CNTNAP5: variants seen among roughly 807,000 people sequenced by gnomAD.
CNTNAP5 encodes the protein contactin associated protein family member 5.
In CNTNAP5, 72 loss-of-function variants were observed where a neutral mutation model predicts 150.2. The ratio of observed to expected loss-of-function variants is 0.48; its 90% CI spans 0.40 to 0.58. The LOEUF (loss-of-function observed/expected upper bound fraction) is 0.58. CNTNAP5 is among the 20% of genes least tolerant of loss of function. CNTNAP5 has a pLI of 0.00. For synonymous variants in CNTNAP5, 672 were observed against 619.8 expected, an observed-to-expected ratio of 1.08 and a Z score of -1.25; for missense variants, 1,636 against 1,626.2, an observed-to-expected ratio of 1.01 and a Z score of -0.10.
chr2:124,909,136 T>TA (rs1422408993), intron 22 of CNTNAP5, among the ~76,000 whole-genome samples: 1 of 152,160 alleles, frequency 6.6e-6, no homozygotes. Context: ...CTTCACCACT[T>TA]ACTCACTGAC....
Position 124,609,851 on chromosome 2 carries a change from G to A in CNTNAP5, c.1807G>A (p.Gly603Ser), listed in dbSNP as rs775751123. 9.3e-6 allele frequency: 15 copies of A among 1,613,938 alleles called. No individual in the cohort carries two copies. The highest frequency in any genetic ancestry group is 1.1e-5 in the Non-Finnish European group (13 of 1,179,864). Residue 603 changes from glycine (G) to serine (S), a missense_variant, in exon 12 of 24, where the codon GGC becomes AGC. Coordinates refer to ENST00000682447, the MANE Select transcript of CNTNAP5 (RefSeq NM_001367498.1). ...EVYRHQGNTA[G>S]FFYIDSDGSG... ...GTACAGGCACCAGGGGAATACAGCC[G>A]GCTTCTTCTACATCGACTCAGATGG...
In CNTNAP5 at chr2:124,861,645, G is replaced by GGAA. The variant is rs138124999; in HGVS notation, c.3218-3644_3218-3642dup. ...TGATGATGATTTTGCCTGAATACGG[G>GGAA]GAAGAAGAAGAAGAAGAAGCAGCTA... is the stretch of plus-strand genomic sequence containing the variant. On this transcript the variant is annotated intron_variant, in intron 19 of 23. Coordinates refer to ENST00000682447, the MANE Select transcript of CNTNAP5 (RefSeq NM_001367498.1). Among the ~76,000 whole-genome samples, 77 of 151,554 alleles carry GGAA rather than the reference G, an allele frequency of 5.1e-4. 1 individual carries two copies. The East Asian group carries it at 0.012, about 23-fold the overall frequency.
intron 1 of CNTNAP5, among the ~76,000 whole-genome samples, chr2:124,154,240 G>A (rs943622241): frequency 6.6e-6 from 1 of 152,142 alleles, no homozygotes; most frequent in African/African-American, 2.4e-5. Context: ...AATGAGCCTG[G>A]TTATTCTATG....
At chr2:124,710,054 T>A (rs2105102297) in intron 13 of CNTNAP5, among the ~76,000 whole-genome samples, 1 of 152,234 alleles carries the variant, frequency 6.6e-6, no homozygotes, top group Admixed American at 6.5e-5. Context: ...CCATCTGTAG[T>A]GACTGAGTAG....
At chr2:124,612,778 C>T (rs936688396) in intron 12 of CNTNAP5, among the ~76,000 whole-genome samples, 1 of 152,258 alleles carries the variant, frequency 6.6e-6, no homozygotes, top group East Asian at 1.9e-4. Context: ...GCAGACCAGG[C>T]ATAGTGATTC....
intron 13 of CNTNAP5, among the ~76,000 whole-genome samples, chr2:124,711,337 G>T (rs1573564924): frequency 6.6e-6 from 1 of 151,946 alleles, no homozygotes; most frequent in South Asian, 2.1e-4. Context: ...TCATCAGAGG[G>T]AATGGCACCC....
At chr2:124,773,342 C>A (rs1032778519) in intron 17 of CNTNAP5, among the ~76,000 whole-genome samples, 1 of 152,142 alleles carries the variant, frequency 6.6e-6, no homozygotes, top group Non-Finnish European at 1.5e-5. Flanking sequence ...CAGGACATGT[C>A]AACTCTTTAC....
At position 124,600,755 on chromosome 2, in the gene CNTNAP5, GAGAGAGAGAGAGAA is replaced by G. The variant is rs746442387; in HGVS notation, c.1757-9036_1757-9023del. Among the ~76,000 whole-genome samples, 261 of 135,926 alleles carry G rather than the reference GAGAGAGAGAGAGAA, an allele frequency of 1.9e-3. 2 individuals carry two copies. Among genetic ancestry groups the G allele is most frequent in the South Asian group, 0.013 (50 of 3,802 alleles). 89.2% of individuals were successfully genotyped at this position (135,926 alleles called of 152,430 possible). On this transcript the variant is annotated intron_variant, in intron 11 of 23. Coordinates refer to ENST00000682447, the MANE Select transcript of CNTNAP5 (RefSeq NM_001367498.1). ...TCAGAGAGAGAGAGAGAGAGAGAGA[GAGAGAGAGAGAGAA>G]AGAGAGAGAAAGAGAGAAGCAAAAA...
At chr2:124,135,785 G>A (rs558343519) in intron 1 of CNTNAP5, among the ~76,000 whole-genome samples, 1 of 152,246 alleles carries the variant, frequency 6.6e-6, no homozygotes, top group South Asian at 2.1e-4. Context: ...TTTGTGTTTT[G>A]TGTGTGTGTA....
At chr2:124,849,018 T>C (rs1156572540) in intron 19 of CNTNAP5, among the ~76,000 whole-genome samples, 1 of 152,184 alleles carries the variant, frequency 6.6e-6, no homozygotes, top group African/African-American at 2.4e-5. Context: ...TTATTTTGGA[T>C]TTTGCTGTGT....
At chr2:124,461,977 A>G (rs989121866) in intron 6 of CNTNAP5, among the ~76,000 whole-genome samples, 6 of 152,138 alleles carry the variant, frequency 3.9e-5, no homozygotes, top group African/African-American at 1.4e-4. Flanking sequence ...GAAAAAAAAT[A>G]AAATAAAAAT....
chr2:124,824,649 T>C (rs769633990), intron 19 of CNTNAP5, among the ~76,000 whole-genome samples: 10 of 152,308 alleles, frequency 6.6e-5, no homozygotes, highest in African/African-American at 1.7e-4. Context: ...GCAACTCCCA[T>C]TGATTGGTTT....
At chr2:124,497,535 ATGACCTCAAG>A (rs1558927868) in intron 7 of CNTNAP5, among the ~76,000 whole-genome samples, 2 of 152,234 alleles carry the variant, frequency 1.3e-5, no homozygotes, top group African/African-American at 4.8e-5. Flanking sequence ...ATGTACATCA[ATGACCTCAAG>A]TGAAATAACC....
chr2:124,576,222 C>G (rs1043175348), intron 11 of CNTNAP5, among the ~76,000 whole-genome samples: 2 of 151,916 alleles, frequency 1.3e-5, no homozygotes, highest in Non-Finnish European at 2.9e-5. Context: ...ATTGTCATAG[C>G]GGGACATGCA....
At chr2:124,314,554 A>T (rs1688917812) in intron 3 of CNTNAP5, among the ~76,000 whole-genome samples, 1 of 152,214 alleles carries the variant, frequency 6.6e-6, no homozygotes, top group African/African-American at 2.4e-5. Context: ...GACTTCTCCC[A>T]GTCTAAGCTC....
intron 1 of CNTNAP5, among the ~76,000 whole-genome samples, chr2:124,074,659 C>G (rs542749378): frequency 8.5e-5 from 13 of 152,120 alleles, no homozygotes; most frequent in Admixed American, 7.2e-4. Flanking sequence ...TCCTAGACAG[C>G]ACTTACCAGC....
At chr2:124,060,754 G>A (rs542997846) in intron 1 of CNTNAP5, among the ~76,000 whole-genome samples, 2 of 152,084 alleles carry the variant, frequency 1.3e-5, no homozygotes. Context: ...GATAAAATGG[G>A]GCTTTCTAGT....
intron 1 of CNTNAP5, among the ~76,000 whole-genome samples, chr2:124,067,962 A>T (rs1335051102): frequency 6.6e-6 from 1 of 152,196 alleles, no homozygotes; most frequent in East Asian, 1.9e-4. Flanking sequence ...ATATACAGTC[A>T]TATTGGAGAA....
At chr2:124,872,808 A>G (rs996424127) in intron 21 of CNTNAP5, among the ~76,000 whole-genome samples, 1 of 152,062 alleles carries the variant, frequency 6.6e-6, no homozygotes, top group Admixed American at 6.6e-5. Context: ...AAAATGAAAA[A>G]AAAAATCCTC....
Sources: allele counts gnomAD v4.1 joint callset (sites outside exome capture counted in the v4.1 genomes callset), GRCh38; gene constraint gnomAD v4.1.1; transcripts MANE v1.5; gene names NCBI Gene and HGNC (gene_info 2026-07-23, HGNC 2026-07-21).